PCLO: variants seen among roughly 807,000 people sequenced by gnomAD.
The protein encoded by PCLO is piccolo presynaptic cytomatrix protein, also known as protein piccolo.
Under a neutral mutation model 427.5 loss-of-function variants are expected in PCLO, and 82 were observed. The observed-to-expected ratio is 0.19, with a 90% CI of 0.16 to 0.23. The LOEUF (loss-of-function observed/expected upper bound fraction) is 0.23, where lower values mean the gene tolerates loss of function less well. PCLO is among the 10% of genes least tolerant of loss of function. PCLO has a pLI of 1.00. For missense variants in PCLO, 6,239 were observed against 6,115.9 expected, an observed-to-expected ratio of 1.02 and a Z score of -0.67; for synonymous variants, 2,357 against 2,155.4, an observed-to-expected ratio of 1.09 and a Z score of -2.59.
intron 22 of PCLO, among the ~76,000 whole-genome samples, chr7:82,771,059 G>T (rs1228957098): frequency 1.3e-5 from 2 of 151,778 alleles, no homozygotes; most frequent in African/African-American, 4.8e-5. Flanking sequence ...GTTTGAAAGA[G>T]GGAAGCAGAA....
At chr7:82,998,778 A>C (rs937132990) in intron 3 of PCLO, among the ~76,000 whole-genome samples, 1 of 151,868 alleles carries the variant, frequency 6.6e-6, no homozygotes, top group African/African-American at 2.4e-5. Context: ...AAAAATTACA[A>C]GGAATACTCA....
At position 82,841,668 on chromosome 7, in the gene PCLO, C is replaced by A. The variant is rs141651052; in HGVS notation, c.14047-159G>T. Among the ~76,000 whole-genome samples, 259 of 152,134 alleles carry A rather than the reference C, an allele frequency of 1.7e-3. 4 individuals carry two copies. Among genetic ancestry groups the A allele is most frequent in the African/African-American group, 5.9e-3 (247 of 41,538 alleles). ...GCTTCAGAATAATGGTGTCTACTTA[C>A]GGTTCTCAATACACATTTAATTTTA... On this transcript the variant is annotated intron_variant, in intron 13 of 24. Transcript: ENST00000333891.
At chr7:83,123,834 G>A (rs1791350262) in intron 3 of PCLO, among the ~76,000 whole-genome samples, 1 of 151,804 alleles carries the variant, frequency 6.6e-6, no homozygotes, top group Non-Finnish European at 1.5e-5. Flanking sequence ...GCTCACGCCT[G>A]TGATCCCAGC....
intron 3 of PCLO, among the ~76,000 whole-genome samples, chr7:83,038,289 G>A (rs1163724188): frequency 6.7e-6 from 1 of 149,632 alleles, no homozygotes; most frequent in East Asian, 2.0e-4. Flanking sequence ...TCACAGACAT[G>A]TGCAACCATC....
At chr7:82,909,143 C>A in intron 7 of PCLO, 130 bp from the exon 8 acceptor site, 1 of 773,398 alleles carries the variant, frequency 1.3e-6, no homozygotes, top group South Asian at 2.2e-5. Context: ...CACATCTCCC[C>A]TTGGGACTAG....
chr7:82,759,120 A>C (rs1790377135), intron 24 of PCLO, among the ~76,000 whole-genome samples: 1 of 151,952 alleles, frequency 6.6e-6, no homozygotes, highest in Non-Finnish European at 1.5e-5. Flanking sequence ...TGAATAAATA[A>C]ATATAACTTC....
chr7:83,105,771 T>C (rs1412107142), intron 3 of PCLO, among the ~76,000 whole-genome samples: 1 of 152,236 alleles, frequency 6.6e-6, no homozygotes, highest in East Asian at 1.9e-4. Context: ...GAACTAAGTG[T>C]GCCATGAACC....
In PCLO at chr7:83,131,796, G is replaced by A. The variant is rs115821725; in HGVS notation, c.3300+2454C>T. ...AAGGAAAACATAGACACACAACAAA[G>A]ATCTGGGAGGAGATGCTTTCCTAAC... is the stretch of plus-strand genomic sequence containing the variant. On this transcript the variant is annotated intron_variant, in intron 3 of 24. Coordinates refer to ENST00000333891, the MANE Select transcript of PCLO (RefSeq NM_033026.6). 2.8e-3 allele frequency among the ~76,000 whole-genome samples: 428 copies of A among 152,016 alleles called. 3 individuals carry two copies. Among genetic ancestry groups the A allele is most frequent in the African/African-American group, 9.4e-3 (391 of 41,476 alleles).
chr7:82,969,416 A>G (rs991240495), intron 3 of PCLO, among the ~76,000 whole-genome samples: 3 of 152,124 alleles, frequency 2.0e-5, no homozygotes, highest in Non-Finnish European at 2.9e-5. Context: ...GCTATTTCAA[A>G]TTAATGTTTT....
intron 3 of PCLO, among the ~76,000 whole-genome samples, chr7:82,970,904 A>G (rs1795887349): frequency 6.6e-6 from 1 of 151,874 alleles, no homozygotes; most frequent in Admixed American, 6.6e-5. Flanking sequence ...TCATTATCAT[A>G]TCATCATCAA....
intron 3 of PCLO, among the ~76,000 whole-genome samples, chr7:83,050,617 A>G (rs1789228207): frequency 6.6e-6 from 1 of 151,998 alleles, no homozygotes; most frequent in Non-Finnish European, 1.5e-5. Context: ...TATCCTAGGT[A>G]TGCAAAGCTG....
intron 3 of PCLO, among the ~76,000 whole-genome samples, chr7:83,103,690 A>C (rs1361703141): frequency 6.6e-6 from 1 of 152,024 alleles, no homozygotes; most frequent in Non-Finnish European, 1.5e-5. Context: ...AAACAAGATG[A>C]TCACTAAAAT....
chr7:82,847,166 C>T lies in PCLO; in HGVS notation c.13736G>A (p.Ser4579Asn). ...TCTTACACATATTTCTGCTTCCCCACTTTGCTGACTAATGATACTCTGAAC... is the reference window on the plus strand; with the variant it reads ...TCTTACACATATTTCTGCTTCCCCATTTTGCTGACTAATGATACTCTGAAC... ...EEVQSIISQQ[S>N]GEAEICVRLD... The change falls in exon 11 of 25, where the codon AGT becomes AAT. Residue 4579 changes from serine to asparagine, a missense_variant. By Grantham distance (46) the Ser-to-Asn change is conservative. Coordinates refer to ENST00000333891, the MANE Select transcript of PCLO (RefSeq NM_033026.6). The T allele has an allele frequency of 1.9e-6, 3 of 1,601,316 alleles. No individual in the cohort carries two copies. Among genetic ancestry groups the T allele is most frequent in the Non-Finnish European group, 2.6e-6 (3 of 1,170,874 alleles).
intron 9 of PCLO, among the ~76,000 whole-genome samples, chr7:82,880,896 T>C (rs969790877): frequency 3.9e-5 from 6 of 152,188 alleles, no homozygotes; most frequent in South Asian, 2.1e-4. Context: ...CCTTCTATAG[T>C]AACAAATGGG....
chr7:83,137,086 T>C (rs761475823), intron 2 of PCLO, among the ~76,000 whole-genome samples: 19 of 152,126 alleles, frequency 1.2e-4, no homozygotes, highest in Non-Finnish European at 1.9e-4. Flanking sequence ...TATATATAAA[T>C]AGAAGGAGCA....
At chr7:83,132,749 G>A (rs923193765) in intron 3 of PCLO, among the ~76,000 whole-genome samples, 14 of 151,996 alleles carry the variant, frequency 9.2e-5, no homozygotes, top group Admixed American at 9.2e-4. Flanking sequence ...TAGAAATGCA[G>A]TTTGCTTCAT....
intron 10 of PCLO, among the ~76,000 whole-genome samples, chr7:82,853,916 A>T (rs2115862864): frequency 6.6e-6 from 1 of 152,294 alleles, no homozygotes. Flanking sequence ...AACACAAAAC[A>T]GCTGCTTGTT....
intron 6 of PCLO, among the ~76,000 whole-genome samples, chr7:82,946,953 T>C (rs905654297): frequency 1.5e-4 from 23 of 152,156 alleles, no homozygotes; most frequent in African/African-American, 5.1e-4. Flanking sequence ...ATGATCCTCA[T>C]AGCCACAGGA....
chr7:83,045,836 G>A (rs1045560597), intron 3 of PCLO, among the ~76,000 whole-genome samples: 1 of 152,040 alleles, frequency 6.6e-6, no homozygotes, highest in Non-Finnish European at 1.5e-5. Context: ...GGGATTCTAA[G>A]GGCCAAGATA....
Sources: gnomAD v4.1 joint callset for allele counts (sites outside exome capture counted in the v4.1 genomes callset) on GRCh38, gnomAD v4.1.1 for gene constraint, MANE v1.5 for transcripts, NCBI Gene and HGNC (gene_info 2026-07-23, HGNC 2026-07-21) for gene names.